Variants in RNF111 observed in about 807,000 individuals in gnomAD.
The protein encoded by RNF111 is ring finger protein 111.
Under a neutral mutation model 95.1 loss-of-function variants are expected in RNF111, and 17 were observed. That is an observed-to-expected ratio of 0.18 (90% CI 0.12 to 0.27). The LOEUF (loss-of-function observed/expected upper bound fraction) is 0.27, where lower values mean the gene tolerates loss of function less well. Ranked by LOEUF, RNF111 falls within the 10% of genes least tolerant of loss-of-function variation. The pLI, the probability that RNF111 is intolerant of heterozygous loss-of-function variation, is 1.00. For synonymous variants in RNF111, 440 were observed against 414.8 expected, an observed-to-expected ratio of 1.06 and a Z score of -0.74; for missense variants, 1,189 against 1,210.4, an observed-to-expected ratio of 0.98 and a Z score of 0.26.
chr15:59,086,255 G>A (rs1267081436), intron 10 of RNF111, among the ~76,000 whole-genome samples: 1 of 152,092 alleles, frequency 6.6e-6, no homozygotes, highest in Non-Finnish European at 1.5e-5. Flanking sequence ...AAGTAGCTGG[G>A]ATTACAGGCA....
intron 3 of RNF111, among the ~76,000 whole-genome samples, chr15:59,054,158 C>T (rs541451328): frequency 2.6e-5 from 4 of 152,100 alleles, no homozygotes; most frequent in East Asian, 1.9e-4. Context: ...AGGCTGGTCT[C>T]GAACTCCTGA....
At chr15:59,064,651 C>T (rs187097248) in intron 5 of RNF111, among the ~76,000 whole-genome samples, 319 of 150,970 alleles carry the variant, frequency 2.1e-3, no homozygotes, top group African/African-American at 7.4e-3. Context: ...TATTTTTCTT[C>T]CGTCCAAGTT....
chr15:59,026,916 C>T (rs557318775), intron 1 of RNF111, among the ~76,000 whole-genome samples: 3 of 152,264 alleles, frequency 2.0e-5, no homozygotes, highest in East Asian at 3.9e-4. Flanking sequence ...CAAACCACCC[C>T]CCCTTGCTCT....
At chr15:59,081,309 A>G in intron 8 of RNF111, 25 bp downstream of exon 8, 1 of 1,596,196 alleles carries the variant, frequency 6.3e-7, no homozygotes, top group Non-Finnish European at 8.6e-7. Context: ...TTTAAAAAGA[A>G]AGTCAAGTTT....
At chr15:59,043,006 A>C (rs1452412294) in intron 2 of RNF111, among the ~76,000 whole-genome samples, 1 of 152,110 alleles carries the variant, frequency 6.6e-6, no homozygotes, top group Non-Finnish European at 1.5e-5. Context: ...TGTATTCCAG[A>C]ATATGGGATG....
intron 2 of RNF111, among the ~76,000 whole-genome samples, chr15:59,039,621 CGTT>C (rs1279032044): frequency 1.3e-5 from 2 of 152,106 alleles, no homozygotes; most frequent in African/African-American, 4.8e-5. Flanking sequence ...TCCTAGTAGT[CGTT>C]GATAACTTCC....
intron 13 of RNF111, among the ~76,000 whole-genome samples, chr15:59,093,175 A>T (rs1227919757): frequency 6.6e-6 from 1 of 152,170 alleles, no homozygotes; most frequent in Non-Finnish European, 1.5e-5. Context: ...TTGTAGGGCC[A>T]CACAAGGTTT....
chr15:59,029,847 A>C (rs1422551914), intron 1 of RNF111, among the ~76,000 whole-genome samples: 1 of 152,216 alleles, frequency 6.6e-6, no homozygotes, highest in Non-Finnish European at 1.5e-5. Flanking sequence ...ATTCATCTAT[A>C]AACTTAGAAT....
chr15:58,989,486 A>G (rs1318883526), intron 1 of RNF111, among the ~76,000 whole-genome samples: 1 of 152,224 alleles, frequency 6.6e-6, no homozygotes, highest in Non-Finnish European at 1.5e-5. Flanking sequence ...AGTAGGAAGA[A>G]TGAGTCTCCT....
intron 5 of RNF111, among the ~76,000 whole-genome samples, chr15:59,066,205 A>T (rs1425173618): frequency 6.6e-6 from 1 of 152,210 alleles, no homozygotes; most frequent in African/African-American, 2.4e-5. Context: ...AACATGATCT[A>T]TTGCCATACT....
At chr15:59,078,856 C>T (rs1463950362) in intron 7 of RNF111, among the ~76,000 whole-genome samples, 3 of 138,444 alleles carry the variant, frequency 2.2e-5, no homozygotes, top group Non-Finnish European at 4.6e-5. Flanking sequence ...GAGTCTCCCT[C>T]TCAAAAGAAG....
At chr15:58,998,933 A>G (rs896564891) in intron 1 of RNF111, among the ~76,000 whole-genome samples, 2 of 152,204 alleles carry the variant, frequency 1.3e-5, no homozygotes, top group African/African-American at 4.8e-5. Flanking sequence ...GTCTGGGTGA[A>G]AGATCTATGT....
chr15:59,034,151 G>C (rs1007173443), intron 2 of RNF111, among the ~76,000 whole-genome samples: 11 of 152,088 alleles, frequency 7.2e-5, no homozygotes, highest in Non-Finnish European at 1.3e-4. Context: ...ATATCACTAT[G>C]TATAGTTATC....
At chr15:59,045,904 T>C (rs78464076) in intron 2 of RNF111, among the ~76,000 whole-genome samples, 3,688 of 152,332 alleles carry the variant, frequency 0.024, 54 homozygotes, top group African/African-American at 0.039. Flanking sequence ...ACTTGGGTGC[T>C]ACTGTTTTGT....
Position 59,084,149 on chromosome 15 carries a change from C to T in RNF111, c.2318C>T (p.Pro773Leu). 6.2e-7 allele frequency: 1 copy of T among 1,607,234 alleles called. No individual in the cohort carries two copies. The highest frequency in any genetic ancestry group is 2.3e-5 in the East Asian group (1 of 44,262). ...TCCAGGCGGGCACATGAACGCCCCCCACCCCATCCACATAGGATGCACCCA... is the reference window on the plus strand; with the variant it reads ...TCCAGGCGGGCACATGAACGCCCCCTACCCCATCCACATAGGATGCACCCA... Reference protein sequence around the residue: ...QHPTRAHERPPPHPHRMHPNY... With the variant: ...QHPTRAHERPLPHPHRMHPNY... Residue 773 changes from proline (P) to leucine (L), a missense_variant, in exon 9 of 14, where the codon CCA becomes CTA. Physicochemically the swap from Pro to Leu is moderately conservative, Grantham distance 98. Transcript: ENST00000348370.
At chr15:59,029,128 T>C (rs1166380776) in intron 1 of RNF111, among the ~76,000 whole-genome samples, 1 of 152,152 alleles carries the variant, frequency 6.6e-6, no homozygotes, top group East Asian at 1.9e-4. Flanking sequence ...AAGTAGCTTG[T>C]ATCATTTTAC....
chr15:59,093,361 T>TTC (rs1555403300), intron 13 of RNF111: 9,188 of 351,500 alleles, frequency 0.026, 93 homozygotes, highest in African/African-American at 0.063. Context: ...TTTTTTTTTT[T>TTC]CCTTTTCTGG....
chr15:58,997,869 CAT>C (rs1459076367), intron 1 of RNF111, among the ~76,000 whole-genome samples: 6 of 151,170 alleles, frequency 4.0e-5, no homozygotes, highest in Non-Finnish European at 4.4e-5. Flanking sequence ...TTCTTGAGCA[CAT>C]GTGTGTATGT....
At chr15:59,015,624 T>TA (rs775599053) in intron 1 of RNF111, among the ~76,000 whole-genome samples, 252 of 136,160 alleles carry the variant, frequency 1.9e-3, no homozygotes, top group South Asian at 5.6e-3. Flanking sequence ...TCTCCCCTAC[T>TA]AAAAAAAAAA....
Sources: gnomAD v4.1 joint callset for allele counts (sites outside exome capture counted in the v4.1 genomes callset) on GRCh38, gnomAD v4.1.1 for gene constraint, MANE v1.5 for transcripts, NCBI Gene and HGNC (gene_info 2026-07-23, HGNC 2026-07-21) for gene names.